Variants in HRH1 observed in about 807,000 individuals in gnomAD.
The protein encoded by HRH1 is histamine H1 receptor.
Under a neutral mutation model 10.3 loss-of-function variants are expected in HRH1, and 6 were observed. That is an observed-to-expected ratio of 0.58 (90% CI 0.32 to 1.15). HRH1 has a LOEUF of 1.15. Among genes scored for constraint, HRH1 ranks in the 50% most tolerant of loss-of-function variants. The pLI, the probability that HRH1 is intolerant of heterozygous loss-of-function variation, is 0.05. For synonymous variants in HRH1, 242 were observed against 236.7 expected (o/e 1.02, Z -0.21); for missense variants, 514 against 615.3 (o/e 0.84, Z 1.74).
chr3:11,148,874 CATT>C (rs1398010041), intron 1 of HRH1, among the ~76,000 whole-genome samples: 7 of 123,152 alleles, frequency 5.7e-5, no homozygotes, highest in Admixed American at 4.7e-4. Context: ...CTTGTCACAT[CATT>C]ATTTTAGCAC....
rs190971486 is a variant in HRH1 at position 11,218,947 on chromosome 3, G to A, written c.-35-40056G>A. 3.5e-4 allele frequency among the ~76,000 whole-genome samples: 54 copies of A among 152,154 alleles called. No homozygotes were observed. The East Asian group carries it at 8.7e-3, about 25-fold the overall frequency. The stretch of plus-strand genomic sequence containing the variant: ...GCTCTGTTGCCCAGGCTGGAGTGCC[G>A]TGGCGTGATCTCGGCTCACTGCAAC... On this transcript the variant is annotated intron_variant, in intron 1 of 1. Coordinates refer to ENST00000431010, the MANE Select transcript of HRH1 (RefSeq NM_001098212.2).
At chr3:11,201,277 G>A (rs2125027545) in intron 1 of HRH1, among the ~76,000 whole-genome samples, 1 of 152,340 alleles carries the variant, frequency 6.6e-6, no homozygotes, top group Non-Finnish European at 1.5e-5. Context: ...TGCAGGAGAA[G>A]GATTTGACTT....
intron 1 of HRH1, among the ~76,000 whole-genome samples, chr3:11,238,254 A>G (rs1054479292): frequency 6.6e-6 from 1 of 152,240 alleles, no homozygotes; most frequent in African/African-American, 2.4e-5. Context: ...GATGTAGCTC[A>G]GTCATTCCTC....
chr3:11,190,531 C>T (rs150414274), intron 1 of HRH1, among the ~76,000 whole-genome samples: 3,046 of 152,046 alleles, frequency 0.02, 61 homozygotes, highest in East Asian at 0.093. Flanking sequence ...GCTGGGACTA[C>T]AGGCGCATGC....
chr3:11,218,604 C>T (rs111310040), intron 1 of HRH1, among the ~76,000 whole-genome samples: 2,170 of 152,298 alleles, frequency 0.014, 52 homozygotes, highest in African/African-American at 0.05. Context: ...GAGATGGAGG[C>T]TTGCTCTGTC....
chr3:11,184,233 A>G (rs1937410410), intron 1 of HRH1, among the ~76,000 whole-genome samples: 1 of 152,192 alleles, frequency 6.6e-6, no homozygotes, highest in African/African-American at 2.4e-5. Context: ...CACGATTCTA[A>G]GTCCTTTACA....
chr3:11,253,590 A>G (rs1014627210), intron 1 of HRH1, among the ~76,000 whole-genome samples: 1 of 152,082 alleles, frequency 6.6e-6, no homozygotes. Flanking sequence ...AGGCCTTGGT[A>G]AGATTTTGGG....
At chr3:11,205,836 AT>A (rs1553574333) in intron 1 of HRH1, among the ~76,000 whole-genome samples, 1 of 151,652 alleles carries the variant, frequency 6.6e-6, no homozygotes. Flanking sequence ...TAATTTTTGT[AT>A]TTTTAGTAGA....
Position 11,261,054 on chromosome 3 carries a change from C to T in HRH1, c.*553C>T, listed in dbSNP as rs1939941731. The T allele has an allele frequency of 6.0e-6, 1 of 167,270 alleles. No individual in the cohort carries two copies. Among genetic ancestry groups the T allele is most frequent in the South Asian group, 2.1e-4 (1 of 4,830 alleles). The allele number at this position is 167,270 out of a possible 1,614,324, so 10.4% of individuals were successfully genotyped here. A position where few individuals can be genotyped will look rare whatever the true frequency, so the allele number is the denominator to read the frequency against. ...TGACAGCTGTTCCACAGGGGCTATC[C>T]CTTCTCAGAAAACTTCTCTTCTGAG... On this transcript the variant is annotated 3_prime_UTR_variant, in exon 2 of 2. Transcript: ENST00000431010.
At chr3:11,178,073 C>T (rs951242871) in intron 1 of HRH1, among the ~76,000 whole-genome samples, 3 of 152,212 alleles carry the variant, frequency 2.0e-5, no homozygotes, top group African/African-American at 7.2e-5. Context: ...GGTGTGATGA[C>T]ATTTAGATCC....
intron 1 of HRH1, among the ~76,000 whole-genome samples, chr3:11,202,230 C>T (rs563140460): frequency 1.3e-5 from 2 of 152,088 alleles, no homozygotes; most frequent in South Asian, 2.1e-4. Context: ...ATGGCGAAAC[C>T]CTGTCTCTAC....
intron 1 of HRH1, among the ~76,000 whole-genome samples, chr3:11,224,888 C>G (rs1296345890): frequency 2.0e-5 from 3 of 152,068 alleles, no homozygotes; most frequent in African/African-American, 7.2e-5. Flanking sequence ...TAACACAGGT[C>G]CAATTCTTAT....
intron 1 of HRH1, among the ~76,000 whole-genome samples, chr3:11,221,405 A>C (rs1391278427): frequency 1.3e-5 from 2 of 151,938 alleles, no homozygotes; most frequent in African/African-American, 4.8e-5. Context: ...TACAAAAAAA[A>C]TTAGCCGGCC....
chr3:11,174,300 A>G (rs781154931), intron 1 of HRH1, among the ~76,000 whole-genome samples: 2 of 152,172 alleles, frequency 1.3e-5, no homozygotes, highest in Non-Finnish European at 2.9e-5. Flanking sequence ...CTCACCTTCT[A>G]GGGATTTCTA....
chr3:11,217,192 C>T (rs1938536418), intron 1 of HRH1, among the ~76,000 whole-genome samples: 1 of 145,226 alleles, frequency 6.9e-6, no homozygotes, highest in African/African-American at 2.5e-5. Flanking sequence ...TCTCCAAAAA[C>T]AAACACACAA....
At chr3:11,219,950 GTTT>G (rs552227637) in intron 1 of HRH1, among the ~76,000 whole-genome samples, 17,655 of 110,222 alleles carry the variant, frequency 0.16, 1,494 homozygotes, top group South Asian at 0.36. Context: ...TTAATGTGTT[GTTT>G]TTTTTTTTTT....
At chr3:11,236,836 G>A (rs1939193525) in intron 1 of HRH1, among the ~76,000 whole-genome samples, 1 of 152,224 alleles carries the variant, frequency 6.6e-6, no homozygotes, top group African/African-American at 2.4e-5. Context: ...GGCAGCTGCA[G>A]GCAGGTGTCC....
chr3:11,228,855 A>G (rs1036682488), intron 1 of HRH1, among the ~76,000 whole-genome samples: 9 of 151,778 alleles, frequency 5.9e-5, no homozygotes, highest in African/African-American at 2.2e-4. Flanking sequence ...TGAAGTTTGC[A>G]GTGAGACGAG....
At chr3:11,258,945 C>G (rs1356058463) in intron 1 of HRH1, 58 bp from the exon 2 acceptor site, 9 of 1,232,524 alleles carry the variant, frequency 7.3e-6, no homozygotes, top group Non-Finnish European at 6.8e-6. Context: ...CATCATGCTA[C>G]TAAGTGGCCA....
Sources: allele counts gnomAD v4.1 joint callset (sites outside exome capture counted in the v4.1 genomes callset), GRCh38; gene constraint gnomAD v4.1.1; transcripts MANE v1.5; gene names NCBI Gene and HGNC (gene_info 2026-07-23, HGNC 2026-07-21).